Variants in FOXP4 observed in about 807,000 individuals in gnomAD.
FOXP4 encodes the protein forkhead box P4, also known as forkhead box protein P4.
Under a neutral mutation model 82.6 loss-of-function variants are expected in FOXP4, and 25 were observed. The observed-to-expected ratio is 0.30, with a 90% CI of 0.22 to 0.42. The LOEUF (loss-of-function observed/expected upper bound fraction) is 0.42. FOXP4 is among the 10% of genes least tolerant of loss of function. The pLI is 1.00. For missense variants in FOXP4, 785 were observed against 900.9 expected (o/e 0.87, Z 1.65); for synonymous variants, 415 against 388.2 (o/e 1.07, Z -0.81).
At chr6:41,569,961 A>G (rs1450373549) in intron 2 of FOXP4, among the ~76,000 whole-genome samples, 1 of 151,878 alleles carries the variant, frequency 6.6e-6, no homozygotes, top group East Asian at 1.9e-4. Flanking sequence ...GAAGAATGGG[A>G]GAGATTTTTC....
Position 41,581,729 on chromosome 6 carries a change from G to A in FOXP4, c.301-3040G>A, listed in dbSNP as rs140957589. 5.2e-3 allele frequency among the ~76,000 whole-genome samples: 791 copies of A among 152,320 alleles called. 6 individuals carry two copies. The highest frequency in any genetic ancestry group is 0.047 in the South Asian group (228 of 4,820). On this transcript the variant is annotated intron_variant, in intron 3 of 16. Coordinates refer to ENST00000307972, the MANE Select transcript of FOXP4 (RefSeq NM_001012426.2). ...TGACCCCAGTGGGCCACCTCGAGAC[G>A]AGTGCACACCATGTAATCCATCCAG...
Position 41,558,879 on chromosome 6 carries a change from T to C in FOXP4, c.-16-6866T>C, listed in dbSNP as rs1446413626. ...CACAAGTAAGATATAGCAGGATAGC[T>C]AGAAACAAACAAATAGAGAAAGAAG... On this transcript the variant is annotated intron_variant, in intron 1 of 16. Transcript: ENST00000307972. The surrounding 1 kb of genome is among the most constrained non-coding windows in gnomAD (Gnocchi z 4.0). Among the ~76,000 whole-genome samples, 1 of 152,226 alleles carries C rather than the reference T, an allele frequency of 6.6e-6. No individual in the cohort carries two copies. Among genetic ancestry groups the C allele is most frequent in the Non-Finnish European group, 1.5e-5 (1 of 68,032 alleles).
At chr6:41,595,065 C>G in intron 14 of FOXP4, 74 bp downstream of exon 14, 1 of 1,596,606 alleles carries the variant, frequency 6.3e-7, no homozygotes, top group Admixed American at 1.7e-5. Context: ...CCCCCTACCT[C>G]TCCAGGGTAC....
At chr6:41,588,588 T>C in intron 8 of FOXP4, 56 bp from the exon 9 acceptor site, 8 of 1,534,452 alleles carry the variant, frequency 5.2e-6, no homozygotes, top group Middle Eastern at 3.5e-4. Context: ...GATGGGAGGA[T>C]GGTGGCAGCA....
intron 2 of FOXP4, among the ~76,000 whole-genome samples, chr6:41,570,691 C>G (rs563309633): frequency 2.8e-4 from 42 of 152,310 alleles, no homozygotes; most frequent in African/African-American, 9.6e-4. Context: ...CCTCCCTCAC[C>G]TCCCCTTCAT....
intron 15 of FOXP4, among the ~76,000 whole-genome samples, chr6:41,597,457 G>A (rs1376945049): frequency 6.6e-6 from 1 of 152,204 alleles, no homozygotes; most frequent in Non-Finnish European, 1.5e-5. Context: ...GCAGGCAGCT[G>A]GGAGGATGGC....
intron 15 of FOXP4, among the ~76,000 whole-genome samples, chr6:41,597,515 G>T (rs566568002): frequency 6.6e-6 from 1 of 152,278 alleles, no homozygotes; most frequent in East Asian, 1.9e-4. Flanking sequence ...GGGGTTCTCT[G>T]TTCCCTGGGA....
rs746596251 is a variant in FOXP4, at chr6:41,590,350, G to A, written c.1434+3G>A. On this transcript the variant is annotated splice_donor_region_variant and intron_variant, in intron 12 of 16. Transcript: ENST00000307972. The stretch of plus-strand genomic sequence containing the variant: ...CCTACGCCTCCCTCATCCGCCAGGT[G>A]AGCAGGGCAGGTAGGAGGAGGGTGG... 1 of 1,613,678 alleles carries A rather than the reference G, an allele frequency of 6.2e-7. No homozygotes were observed. The highest frequency in any genetic ancestry group is 1.1e-5 in the South Asian group (1 of 91,032).
chr6:41,563,865 G>A (rs1325753073), intron 1 of FOXP4, among the ~76,000 whole-genome samples: 2 of 152,200 alleles, frequency 1.3e-5, no homozygotes, highest in African/African-American at 4.8e-5. Context: ...CACAGATAGG[G>A]AGGGCCAACT....
chr6:41,577,378 T>C (rs1325657805), intron 2 of FOXP4, among the ~76,000 whole-genome samples: 1 of 152,206 alleles, frequency 6.6e-6, no homozygotes, highest in African/African-American at 2.4e-5. Context: ...CCCAACTGTG[T>C]GCTCTGGCTC....
At chr6:41,557,409 C>G (rs1423124005) in intron 1 of FOXP4, among the ~76,000 whole-genome samples, 1 of 152,154 alleles carries the variant, frequency 6.6e-6, no homozygotes, top group Non-Finnish European at 1.5e-5. Flanking sequence ...TGCAACTAGT[C>G]AAAAATGTAG....
intron 1 of FOXP4, among the ~76,000 whole-genome samples, chr6:41,553,827 A>C (rs1764132233): frequency 6.6e-6 from 1 of 152,142 alleles, no homozygotes; most frequent in African/African-American, 2.4e-5. Flanking sequence ...TGATCCATTA[A>C]AACACAGGGC....
intron 2 of FOXP4, among the ~76,000 whole-genome samples, chr6:41,570,807 T>C (rs913074): frequency 0.39 from 59,409 of 152,016 alleles, 13,242 homozygotes; most frequent in African/African-American, 0.62. Flanking sequence ...AGGATTGAAG[T>C]GGGGAAGGCT....
chr6:41,586,391 C>T (rs1466761886), intron 5 of FOXP4, among the ~76,000 whole-genome samples: 1 of 152,118 alleles, frequency 6.6e-6, no homozygotes, highest in South Asian at 2.1e-4. Flanking sequence ...CCTGACTTGT[C>T]AGTGCCTGTG....
chr6:41,598,630 A>G, intron 16 of FOXP4, 159 bp from the exon 17 acceptor site: 1 of 1,020,440 alleles, frequency 9.8e-7, no homozygotes, highest in South Asian at 1.7e-5. Context: ...TTCTTTGAAG[A>G]GAGCCCTAGG....
In FOXP4 at chr6:41,599,348, G is replaced by A. The variant is rs555960378; in HGVS notation, c.*412G>A. The A allele has an allele frequency of 1.1e-3, 175 of 164,844 alleles. No individual in the cohort carries two copies. Among genetic ancestry groups the A allele is most frequent in the Middle Eastern group, 6.2e-3 (2 of 324 alleles). The allele number at this position is 164,844 out of a possible 1,614,324, so 10.2% of individuals were successfully genotyped here. On this transcript the variant is annotated 3_prime_UTR_variant, in exon 17 of 17. Transcript: ENST00000307972. ...GGCCCCCTGGCACCTGGCTCTGGCC[G>A]TGTTTTCTGGCCAGAGGCCCCCACT...
chr6:41,563,614 A>G (rs531775436), intron 1 of FOXP4, among the ~76,000 whole-genome samples: 15 of 152,304 alleles, frequency 9.8e-5, no homozygotes, highest in Non-Finnish European at 1.9e-4. Flanking sequence ...AATCTGGGCC[A>G]AGTCCTTGAC....
intron 1 of FOXP4, among the ~76,000 whole-genome samples, chr6:41,563,394 A>G (rs1308294322): frequency 6.6e-6 from 1 of 152,126 alleles, no homozygotes; most frequent in African/African-American, 2.4e-5. Flanking sequence ...TGCCTTGGGG[A>G]AGGAACTAGA....
rs930781176 is a variant in FOXP4 at position 41,599,694 on chromosome 6, G to A, written c.*758G>A. On this transcript the variant is annotated 3_prime_UTR_variant, in exon 17 of 17. Transcript: ENST00000307972. ...GGTACCGCCTCACCCACAGAGGTCT[G>A]TGCCAGGTGCGCTTCTGCAGGTGGA... 6.6e-6 allele frequency: 1 copy of A among 152,476 alleles called. No individual in the cohort carries two copies. Among genetic ancestry groups the A allele is most frequent in the South Asian group, 2.1e-4 (1 of 4,818 alleles). 9.4% of individuals were successfully genotyped at this position (152,476 alleles called of 1,614,324 possible). A position where few individuals can be genotyped will look rare whatever the true frequency, so the allele number is the denominator to read the frequency against.
Sources: allele counts gnomAD v4.1 joint callset (sites outside exome capture counted in the v4.1 genomes callset), GRCh38; gene constraint gnomAD v4.1.1; non-coding constraint Gnocchi (gnomAD v3.1); transcripts MANE v1.5; gene names NCBI Gene and HGNC (gene_info 2026-07-23, HGNC 2026-07-21).